KYAT1: variants seen among roughly 807,000 people sequenced by gnomAD.
KYAT1 encodes the protein kynurenine aminotransferase 1, also known as kynurenine--oxoglutarate transaminase 1.
Under a neutral mutation model 52.4 loss-of-function variants are expected in KYAT1, and 47 were observed. The ratio of observed to expected loss-of-function variants is 0.90; its 90% CI spans 0.71 to 1.14. The LOEUF is 1.14. Ranked by LOEUF, KYAT1 falls within the 50% of genes most tolerant of loss-of-function variation. The pLI, the probability that KYAT1 is intolerant of heterozygous loss-of-function variation, is 0.00. For synonymous variants in KYAT1, 212 were observed against 209.6 expected (o/e 1.01, Z -0.10); for missense variants, 480 against 557.9 (o/e 0.86, Z 1.41).
Position 128,836,904 on chromosome 9 carries a change from G to C in KYAT1, c.586C>G (p.Leu196Val). Residue 196 changes from leucine to valine, a missense_variant, in exon 7 of 13, where the codon CTG becomes GTG. Transcript: ENST00000302586. ...TGGCAAAGGCTGGCCACCAGCTCCAGCTCTTCCCTGGAGAACACCTGCAGA... is the reference window on the plus strand; with the variant it reads ...TGGCAAAGGCTGGCCACCAGCTCCACCTCTTCCCTGGAGAACACCTGCAGA... Reference protein sequence around the residue: ...PLGKVFSREELELVASLCQQH... With the variant: ...PLGKVFSREEVELVASLCQQH... 1.2e-6 allele frequency: 2 copies of C among 1,613,132 alleles called. No homozygotes were observed. The highest frequency in any genetic ancestry group is 2.2e-5 in the East Asian group (1 of 44,878).
At chr9:128,849,448 C>A (rs562004550) in intron 1 of KYAT1, among the ~76,000 whole-genome samples, 2 of 148,018 alleles carry the variant, frequency 1.4e-5, no homozygotes, top group African/African-American at 4.9e-5. Context: ...AAATAATAAT[C>A]TTTTCAACAA....
In KYAT1 at chr9:128,842,538, T is replaced by A. The variant is rs1832376997; in HGVS notation, c.201+116A>T. 2.9e-6 allele frequency: 3 copies of A among 1,029,950 alleles called. No individual in the cohort carries two copies. In the African/African-American group the frequency reaches 4.8e-5, roughly 17 times the overall value. The allele number at this position is 1,029,950 out of a possible 1,614,324, so 63.8% of individuals were successfully genotyped here. A position where few individuals can be genotyped will look rare whatever the true frequency, so the allele number is the denominator to read the frequency against. On this transcript the variant is annotated intron_variant, in intron 3 of 12. Coordinates refer to ENST00000302586, the MANE Select transcript of KYAT1 (RefSeq NM_004059.5). The stretch of plus-strand genomic sequence containing the variant: ...ACGCTCAGTAAACACTGAACTATGG[T>A]CATACAGAATCCCCTGGCTCTGTCC...
At chr9:128,834,115 G>A (rs939035645) in intron 11 of KYAT1, among the ~76,000 whole-genome samples, 2 of 151,650 alleles carry the variant, frequency 1.3e-5, no homozygotes, top group African/African-American at 2.4e-5. Flanking sequence ...AAAATTGGCC[G>A]GGTGTGGTGG....
At chr9:128,870,986 G>C (rs974896253) in intron 1 of KYAT1, among the ~76,000 whole-genome samples, 1 of 150,688 alleles carries the variant, frequency 6.6e-6, no homozygotes, top group Non-Finnish European at 1.5e-5. Context: ...TTTTTTAAAA[G>C]GGTTGAAGAA....
At position 128,833,226 on chromosome 9, in the gene KYAT1, C is replaced by G; in HGVS notation, c.*358G>C. On this transcript the variant is annotated 3_prime_UTR_variant, in exon 13 of 13. Transcript: ENST00000302586. ...ATGAGCCAGGGAAGGTGAGGTTATA[C>G]CTGAGCCTTAGCAGGGGCCATGCAG... The G allele has an allele frequency of 2.7e-6, 1 of 370,818 alleles. No individual in the cohort carries two copies. The highest frequency in any genetic ancestry group is 5.0e-6 in the Non-Finnish European group (1 of 200,914). The allele number at this position is 370,818 out of a possible 1,614,324, so 23.0% of individuals were successfully genotyped here.
chr9:128,837,986 C>A, intron 5 of KYAT1, 65 bp downstream of exon 5: 2 of 1,558,684 alleles, frequency 1.3e-6, no homozygotes, highest in Admixed American at 3.3e-5. Context: ...TTCCAACTCC[C>A]AGGGTCCAAC....
At chr9:128,850,563 C>T (rs1833820831) in intron 1 of KYAT1, among the ~76,000 whole-genome samples, 1 of 152,176 alleles carries the variant, frequency 6.6e-6, no homozygotes. Flanking sequence ...GGACCTCTGC[C>T]TTGGAAAGCC....
At chr9:128,847,271 G>A (rs1165099008) in intron 1 of KYAT1, among the ~76,000 whole-genome samples, 3 of 152,236 alleles carry the variant, frequency 2.0e-5, no homozygotes, top group Non-Finnish European at 4.4e-5. Flanking sequence ...ACAAGTTCTA[G>A]ACTAGAGAAG....
In KYAT1 at chr9:128,848,752, G is replaced by A. The variant is rs139624856; in HGVS notation, c.-6-3341C>T. ...GAATCACTTGAACTTAGGAGGTGGA[G>A]GATGCAGTGAGCCGAGATCACGCCA... On this transcript the variant is annotated intron_variant, in intron 1 of 12. Transcript: ENST00000302586. Among the ~76,000 whole-genome samples the A allele has an allele frequency of 5.3e-5, 8 of 151,148 alleles. No homozygotes were observed. In the East Asian group the frequency reaches 1.6e-3, roughly 30 times the overall value.
chr9:128,838,792 C>T (rs762175088), intron 3 of KYAT1, among the ~76,000 whole-genome samples: 12 of 152,270 alleles, frequency 7.9e-5, no homozygotes, highest in Non-Finnish European at 1.3e-4. Context: ...GGGGATTTAG[C>T]AGAGAACCAG....
In KYAT1 at chr9:128,833,293, T is replaced by C; in HGVS notation, c.*291A>G. ...GTACATGGTGGAAGTCTACCGTCCG[T>C]CTCAGCCAAGCCTGGAGAGACCAGA... On this transcript the variant is annotated 3_prime_UTR_variant, in exon 13 of 13. Transcript: ENST00000302586. The C allele has an allele frequency of 1.8e-6, 1 of 551,522 alleles. No homozygotes were observed. The highest frequency in any genetic ancestry group is 3.2e-6 in the Non-Finnish European group (1 of 307,744). 34.2% of individuals were successfully genotyped at this position (551,522 alleles called of 1,614,324 possible).
intron 7 of KYAT1, 134 bp from the exon 8 acceptor site, chr9:128,836,207 A>ATT: frequency 1.7e-6 from 1 of 574,924 alleles, no homozygotes; most frequent in Non-Finnish European, 2.9e-6. Flanking sequence ...TATTTGCACA[A>ATT]TTTTTTTTCT....
intron 1 of KYAT1, among the ~76,000 whole-genome samples, chr9:128,868,703 ATTTTTTTT>A (rs1202846765): frequency 2.3e-5 from 3 of 131,984 alleles, no homozygotes; most frequent in African/African-American, 5.7e-5. Flanking sequence ...TGCCTGGCTA[ATTTTTTTT>A]TTTTTTTTTT....
At chr9:128,874,965 T>C (rs1307729532) in intron 1 of KYAT1, among the ~76,000 whole-genome samples, 1 of 152,002 alleles carries the variant, frequency 6.6e-6, no homozygotes, top group East Asian at 1.9e-4. Flanking sequence ...CCTCAAGTGA[T>C]CTGCCCACCT....
chr9:128,835,138 CAA>C (rs532952934), intron 11 of KYAT1, 183 bp downstream of exon 11: 835 of 516,914 alleles, frequency 1.6e-3, no homozygotes, highest in East Asian at 2.6e-3. Context: ...CCATCTCAAC[CAA>C]AAAAAAAAAA....
intron 1 of KYAT1, among the ~76,000 whole-genome samples, chr9:128,853,268 A>C (rs190642233): frequency 3.9e-5 from 6 of 152,366 alleles, no homozygotes; most frequent in Admixed American, 3.9e-4. Flanking sequence ...TCCAGTTCTT[A>C]AAATTGATTA....
chr9:128,842,100 G>C (rs1589651135), intron 3 of KYAT1: 1 of 355,668 alleles, frequency 2.8e-6, no homozygotes. Context: ...GCTGAGGTGG[G>C]AGGACCACTT....
At chr9:128,862,690 G>A (rs1047611150) in intron 1 of KYAT1, among the ~76,000 whole-genome samples, 1 of 152,188 alleles carries the variant, frequency 6.6e-6, no homozygotes, top group Non-Finnish European at 1.5e-5. Context: ...TGCTGCACAC[G>A]GATATGCTTA....
At chr9:128,869,814 C>T (rs1015683669) in intron 1 of KYAT1, among the ~76,000 whole-genome samples, 1 of 151,156 alleles carries the variant, frequency 6.6e-6, no homozygotes, top group Non-Finnish European at 1.5e-5. Context: ...AGTGCAGAGG[C>T]GTGATCTTAG....
Sources: allele counts gnomAD v4.1 joint callset (sites outside exome capture counted in the v4.1 genomes callset), GRCh38; gene constraint gnomAD v4.1.1; transcripts MANE v1.5; gene names NCBI Gene and HGNC (gene_info 2026-07-23, HGNC 2026-07-21).